DOCK4: variants seen among roughly 807,000 people sequenced by gnomAD.
DOCK4 encodes dedicator of cytokinesis protein 4.
A neutral mutation model predicts 268.1 loss-of-function variants in DOCK4; 97 were observed. The observed-to-expected ratio is 0.36, with a 90% CI of 0.31 to 0.43. The LOEUF (loss-of-function observed/expected upper bound fraction) is 0.43, where lower values mean the gene tolerates loss of function less well. Among genes scored for constraint, DOCK4 ranks in the 20% least tolerant of loss-of-function variants. DOCK4 has a pLI of 1.00. For missense variants in DOCK4, 2,145 were observed against 2,455.7 expected, an observed-to-expected ratio of 0.87 and a Z score of 2.67; for synonymous variants, 954 against 887.2, an observed-to-expected ratio of 1.08 and a Z score of -1.34.
chr7:112,192,624 G>A (rs1043865641), intron 1 of DOCK4, among the ~76,000 whole-genome samples: 2 of 152,142 alleles, frequency 1.3e-5, no homozygotes, highest in African/African-American at 4.8e-5. Flanking sequence ...CTCCCTTACT[G>A]TGTATTTAAA....
intron 1 of DOCK4, among the ~76,000 whole-genome samples, chr7:112,006,381 G>A (rs982394165): frequency 2.6e-5 from 4 of 152,156 alleles, no homozygotes. Flanking sequence ...TTTTAAGAGT[G>A]TGCTTAAAAA....
chr7:112,005,318 C>T (rs1243960074), intron 1 of DOCK4, among the ~76,000 whole-genome samples: 1 of 152,190 alleles, frequency 6.6e-6, no homozygotes, highest in African/African-American at 2.4e-5. Flanking sequence ...TTAGAGAAGT[C>T]TCATGCCCTT....
intron 16 of DOCK4, among the ~76,000 whole-genome samples, chr7:111,894,842 T>A (rs974164731): frequency 2.0e-5 from 3 of 152,094 alleles, no homozygotes; most frequent in Non-Finnish European, 2.9e-5. Context: ...GGAAGTGACA[T>A]GGCTGGATCT....
intron 12 of DOCK4, among the ~76,000 whole-genome samples, chr7:111,933,070 A>ATATATACACATATATATACG (rs1562904220): frequency 6.9e-6 from 1 of 145,772 alleles, no homozygotes; most frequent in Non-Finnish European, 1.5e-5. Flanking sequence ...ATATATACAT[A>ATATATACACATATATATACG]TATATACACA....
At chr7:111,828,872 A>ATG (rs933948555) in intron 26 of DOCK4, among the ~76,000 whole-genome samples, 135 of 134,290 alleles carry the variant, frequency 1.0e-3, no homozygotes, top group East Asian at 3.2e-3. Flanking sequence ...AACACTAAAA[A>ATG]TGTGTGTGTG....
At chr7:111,982,696 T>A (rs1798698647) in intron 7 of DOCK4, among the ~76,000 whole-genome samples, 1 of 152,258 alleles carries the variant, frequency 6.6e-6, no homozygotes, top group Admixed American at 6.5e-5. Flanking sequence ...CTTTTCATGA[T>A]ACCATAATGA....
intron 1 of DOCK4, among the ~76,000 whole-genome samples, chr7:112,134,283 AAAC>A (rs901266600): frequency 6.6e-6 from 1 of 152,192 alleles, no homozygotes; most frequent in Non-Finnish European, 1.5e-5. Context: ...TGCGAGAGGT[AAAC>A]ACCCTATGCC....
At chr7:111,905,526 T>C (rs1483626742) in intron 13 of DOCK4, among the ~76,000 whole-genome samples, 3 of 152,200 alleles carry the variant, frequency 2.0e-5, no homozygotes, top group East Asian at 1.9e-4. Flanking sequence ...CAGCTTGACC[T>C]AGATGGGTAA....
intron 36 of DOCK4, among the ~76,000 whole-genome samples, chr7:111,771,620 G>A (rs1450824268): frequency 2.6e-5 from 4 of 152,120 alleles, no homozygotes; most frequent in African/African-American, 9.7e-5. Context: ...ATTTTAACAG[G>A]CATCTAGTTT....
intron 36 of DOCK4, among the ~76,000 whole-genome samples, chr7:111,774,840 T>C (rs1180244458): frequency 6.6e-6 from 1 of 152,204 alleles, no homozygotes; most frequent in East Asian, 1.9e-4. Context: ...ATTTAGGCTG[T>C]GGTCTTTGTC....
intron 25 of DOCK4, among the ~76,000 whole-genome samples, chr7:111,836,415 TA>T (rs775102170): frequency 6.6e-6 from 1 of 152,066 alleles, no homozygotes; most frequent in African/African-American, 2.4e-5. Context: ...AAAGCTCAGA[TA>T]TTTTTTAGAA....
chr7:111,895,428 A>G (rs1371737686), intron 16 of DOCK4, among the ~76,000 whole-genome samples, 184 bp downstream of exon 16: 5 of 152,246 alleles, frequency 3.3e-5, no homozygotes, highest in Admixed American at 2.6e-4. Context: ...AATCATCTCT[A>G]AAATATGTTC....
intron 1 of DOCK4, among the ~76,000 whole-genome samples, chr7:112,160,568 T>C (rs1256401465): frequency 1.3e-5 from 2 of 152,094 alleles, no homozygotes; most frequent in Admixed American, 6.5e-5. Context: ...TTAATCTATT[T>C]AGTAAATCAG....
intron 42 of DOCK4, among the ~76,000 whole-genome samples, chr7:111,749,673 C>G (rs565481366): frequency 6.6e-6 from 1 of 152,174 alleles, no homozygotes; most frequent in Non-Finnish European, 1.5e-5. Context: ...TTGCCAAATA[C>G]TGAAGAAAAG....
intron 1 of DOCK4, among the ~76,000 whole-genome samples, chr7:112,010,000 A>G (rs1482315752): frequency 6.6e-6 from 1 of 152,110 alleles, no homozygotes; most frequent in Admixed American, 6.5e-5. Flanking sequence ...TATATTTTGT[A>G]GAGATGGGGT....
intron 1 of DOCK4, among the ~76,000 whole-genome samples, chr7:112,181,488 T>G (rs1325736115): frequency 6.6e-6 from 1 of 151,802 alleles, no homozygotes; most frequent in Non-Finnish European, 1.5e-5. Flanking sequence ...AGACTCCATC[T>G]CTACAAAAAA....
chr7:111,856,127 C>T (rs1236825266), intron 23 of DOCK4, among the ~76,000 whole-genome samples: 1 of 152,170 alleles, frequency 6.6e-6, no homozygotes, highest in African/African-American at 2.4e-5. Context: ...CTCCCCATCC[C>T]TCTGAAAATC....
intron 16 of DOCK4, among the ~76,000 whole-genome samples, chr7:111,892,376 A>G (rs527601001): frequency 6.4e-4 from 98 of 152,080 alleles, no homozygotes; most frequent in African/African-American, 2.3e-3. Flanking sequence ...AACTTTTTTG[A>G]TTTTTAGTAG....
intron 8 of DOCK4, among the ~76,000 whole-genome samples, chr7:111,973,544 T>C (rs1240034872): frequency 6.6e-6 from 1 of 152,180 alleles, no homozygotes; most frequent in Non-Finnish European, 1.5e-5. Flanking sequence ...TGGACTTTAT[T>C]TGGATCTCAA....
Sources: allele counts gnomAD v4.1 joint callset (sites outside exome capture counted in the v4.1 genomes callset), GRCh38; gene constraint gnomAD v4.1.1; transcripts MANE v1.5; gene names NCBI Gene and HGNC (gene_info 2026-07-23, HGNC 2026-07-21).